TMIGD3: variants seen among roughly 807,000 people sequenced by gnomAD.
TMIGD3 encodes AD026 protein (AD026).
In TMIGD3, 21 loss-of-function variants were observed where a neutral mutation model predicts 28.1. The observed-to-expected ratio is 0.75, with a 90% CI of 0.53 to 1.08. TMIGD3 has a LOEUF of 1.08. Among genes scored for constraint, TMIGD3 ranks in the 50% least tolerant of loss-of-function variants. The pLI is 0.00. For missense variants in TMIGD3, 416 were observed against 435.6 expected, an observed-to-expected ratio of 0.96 and a Z score of 0.40; for synonymous variants, 151 against 162.1, an observed-to-expected ratio of 0.93 and a Z score of 0.52.
chr1:111,559,588 A>G (rs1443065682), intron 1 of TMIGD3, among the ~76,000 whole-genome samples: 4 of 152,168 alleles, frequency 2.6e-5, no homozygotes, highest in African/African-American at 9.7e-5. Flanking sequence ...CCTATCTATC[A>G]TGATATAATC....
intron 1 of TMIGD3, among the ~76,000 whole-genome samples, chr1:111,529,586 C>A (rs1296835346): frequency 1.3e-5 from 2 of 149,552 alleles, no homozygotes; most frequent in African/African-American, 4.9e-5. Flanking sequence ...GAGCATGCTG[C>A]CTTCAAGCAT....
chr1:111,534,668 C>G (rs758880781), intron 1 of TMIGD3, among the ~76,000 whole-genome samples: 5 of 152,120 alleles, frequency 3.3e-5, no homozygotes, highest in Non-Finnish European at 5.9e-5. Flanking sequence ...CTATGTATAA[C>G]CTGGCAGGAA....
chr1:111,539,809 A>G (rs1656756532), intron 1 of TMIGD3, among the ~76,000 whole-genome samples: 1 of 152,218 alleles, frequency 6.6e-6, no homozygotes, highest in Non-Finnish European at 1.5e-5. Context: ...TAAGCAGGAC[A>G]AAAGGAGAGG....
intron 1 of TMIGD3, among the ~76,000 whole-genome samples, chr1:111,502,591 C>A (rs1420559893): frequency 6.7e-6 from 1 of 149,834 alleles, no homozygotes; most frequent in Non-Finnish European, 1.5e-5. Flanking sequence ...TGCAAAACAA[C>A]AGAACCATCA....
chr1:111,563,908 C>T, exon 1 of TMIGD3: 1 of 1,613,962 alleles, frequency 6.2e-7, no homozygotes, highest in Non-Finnish European at 8.5e-7. Flanking sequence ...AGCTTTCCCA[C>T]CTGGCCTCCT....
At chr1:111,553,622 C>G (rs1657363619) in intron 1 of TMIGD3, among the ~76,000 whole-genome samples, 1 of 152,152 alleles carries the variant, frequency 6.6e-6, no homozygotes, top group Admixed American at 6.6e-5. Flanking sequence ...CTTTCAGACT[C>G]CTTCCTACCT....
intron 1 of TMIGD3, among the ~76,000 whole-genome samples, chr1:111,549,052 T>C (rs1657146335): frequency 6.6e-6 from 1 of 152,220 alleles, no homozygotes; most frequent in Non-Finnish European, 1.5e-5. Context: ...CAGATAATCA[T>C]TTTCATATGC....
chr1:111,548,305 G>C (rs1006496320), intron 1 of TMIGD3, among the ~76,000 whole-genome samples: 3 of 152,216 alleles, frequency 2.0e-5, no homozygotes, highest in Non-Finnish European at 2.9e-5. Flanking sequence ...ACAAGCGTGA[G>C]CCACTGCACC....
intron 1 of TMIGD3, among the ~76,000 whole-genome samples, chr1:111,530,002 A>AC (rs1317027812): frequency 9.6e-5 from 7 of 73,248 alleles, no homozygotes; most frequent in Non-Finnish European, 1.8e-4. Context: ...CGGGGCGCTG[A>AC]CCCCCCCACC....
chr1:111,498,904 T>C (rs1019478507), intron 1 of TMIGD3, among the ~76,000 whole-genome samples: 1 of 151,844 alleles, frequency 6.6e-6, no homozygotes, highest in African/African-American at 2.4e-5. Flanking sequence ...CTGAGTAACA[T>C]AAAGAGACCT....
chr1:111,541,658 A>C (rs1388350714), intron 1 of TMIGD3, among the ~76,000 whole-genome samples: 4 of 151,918 alleles, frequency 2.6e-5, no homozygotes, highest in Non-Finnish European at 5.9e-5. Context: ...AGAGGTAACA[A>C]GGAAAATGAG....
At chr1:111,489,751 AC>A in intron 2 of TMIGD3, 2 of 1,031,074 alleles carry the variant, frequency 1.9e-6, no homozygotes, top group Non-Finnish European at 2.4e-6. Flanking sequence ...TGCTGGCTGC[AC>A]AGGGCTGAAA....
chr1:111,511,674 T>TACACACACACACACACACACACACAC (rs72064023), intron 1 of TMIGD3, among the ~76,000 whole-genome samples: 37 of 148,936 alleles, frequency 2.5e-4, no homozygotes, highest in African/African-American at 8.5e-4. Flanking sequence ...TGGTGCCCTT[T>TACACACACACACACACACACACACAC]ACACACACAC....
At chr1:111,563,878 G>A (rs757049478) in exon 1 of TMIGD3, 3 of 1,613,524 alleles carry the variant, frequency 1.9e-6, no homozygotes, top group Non-Finnish European at 1.7e-6. Flanking sequence ...CCAGTGTCCA[G>A]TCTGGCTGCT....
chr1:111,489,433 C>A (rs1268598721), intron 2 of TMIGD3: 2 of 483,284 alleles, frequency 4.1e-6, no homozygotes, highest in South Asian at 1.2e-4. Flanking sequence ...CAGAATGAAA[C>A]CAAACTTGCC....
chr1:111,484,310 T>G (rs1313226707), intron 5 of TMIGD3, among the ~76,000 whole-genome samples: 1 of 152,226 alleles, frequency 6.6e-6, no homozygotes, highest in Non-Finnish European at 1.5e-5. Context: ...CTAGCTAGCA[T>G]GGTCCTTTTT....
chr1:111,518,961 C>T (rs185899392), intron 1 of TMIGD3, among the ~76,000 whole-genome samples: 84 of 152,178 alleles, frequency 5.5e-4, no homozygotes, highest in African/African-American at 1.8e-3. Flanking sequence ...TTTTGTGAGA[C>T]GGAATCTCAC....
intron 1 of TMIGD3, among the ~76,000 whole-genome samples, chr1:111,556,452 A>G (rs144159728): frequency 1.3e-4 from 20 of 152,316 alleles, no homozygotes; most frequent in Admixed American, 1.2e-3. Flanking sequence ...TTGTACACCC[A>G]TGTTTATAGC....
intron 1 of TMIGD3, among the ~76,000 whole-genome samples, chr1:111,497,559 C>G (rs987213812): frequency 6.6e-6 from 1 of 152,062 alleles, no homozygotes; most frequent in African/African-American, 2.4e-5. Context: ...TATGGAACAC[C>G]TTAAGTCAGG....
Sources: gnomAD v4.1 joint callset for allele counts (sites outside exome capture counted in the v4.1 genomes callset) on GRCh38, gnomAD v4.1.1 for gene constraint, MANE v1.5 for transcripts, NCBI Gene and HGNC (gene_info 2026-07-23, HGNC 2026-07-21) for gene names.